SLC2A13: variants seen among roughly 807,000 people sequenced by gnomAD.
The protein encoded by SLC2A13 is solute carrier family 2 member 13, also known as proton myo-inositol cotransporter.
Under a neutral mutation model 64.4 loss-of-function variants are expected in SLC2A13, and 32 were observed. The observed-to-expected ratio is 0.50, with a 90% CI of 0.37 to 0.67. SLC2A13 has a LOEUF of 0.67. SLC2A13 is among the 30% of genes least tolerant of loss of function. The pLI is 0.00. For synonymous variants in SLC2A13, 338 were observed against 327.1 expected (o/e 1.03, Z -0.36); for missense variants, 743 against 829.2 (o/e 0.90, Z 1.28).
At chr12:39,839,058 T>C (rs1943107242) in intron 6 of SLC2A13, among the ~76,000 whole-genome samples, 2 of 152,100 alleles carry the variant, frequency 1.3e-5, no homozygotes, top group Non-Finnish European at 1.5e-5. Flanking sequence ...AATTGACACC[T>C]ATTTTGTGCA....
At chr12:40,002,467 G>T (rs1002563613) in intron 3 of SLC2A13, among the ~76,000 whole-genome samples, 9 of 152,106 alleles carry the variant, frequency 5.9e-5, no homozygotes, top group African/African-American at 1.9e-4. Flanking sequence ...ACTGAAAGAT[G>T]GGCTCAGAAA....
At chr12:39,829,459 T>C (rs1262886779) in intron 7 of SLC2A13, 1 of 123,942 alleles carries the variant, frequency 8.1e-6, no homozygotes, top group African/African-American at 3.1e-5. Flanking sequence ...TAGGCTGGAG[T>C]GCAGTGGTTT....
At chr12:39,905,228 TG>T (rs1945237677) in intron 4 of SLC2A13, among the ~76,000 whole-genome samples, 1 of 152,150 alleles carries the variant, frequency 6.6e-6, no homozygotes, top group South Asian at 2.1e-4. Context: ...ATGAGCATTT[TG>T]GTGGCTAGAA....
At position 39,757,502 on chromosome 12, in the gene SLC2A13, A is replaced by T. The variant is rs1940000616; in HGVS notation, c.*2524T>A. 1 of 151,676 alleles carries T rather than the reference A, an allele frequency of 6.6e-6. No individual in the cohort carries two copies. The highest frequency in any genetic ancestry group is 1.5e-5 in the Non-Finnish European group (1 of 67,696). The allele number at this position is 151,676 out of a possible 1,614,324, so 9.4% of individuals were successfully genotyped here. ...CTATAAATGTTCACCAAATCTAAAAATAATACCCTAATTGTATAAGGTTCC... is the reference window on the plus strand; with the variant it reads ...CTATAAATGTTCACCAAATCTAAAATTAATACCCTAATTGTATAAGGTTCC... On this transcript the variant is annotated 3_prime_UTR_variant, in exon 10 of 10. Transcript: ENST00000280871.
chr12:39,760,259 CG>C lies in SLC2A13; in HGVS notation c.1721-8del, dbSNP rs1390606566. 20 of 1,603,850 alleles carry C rather than the reference CG, an allele frequency of 1.2e-5. 1 individual carries two copies. In the East Asian group the frequency reaches 4.1e-4, roughly 32 times the overall value. ...GCATAGAGGAAGAAAGCTCCTGCAA[CG>C]GAATATAATAGATACATGAATATGA... On this transcript the variant is annotated splice_region_variant and splice_polypyrimidine_tract_variant and intron_variant, in intron 9 of 9. Coordinates refer to ENST00000280871, the MANE Select transcript of SLC2A13 (RefSeq NM_052885.4).
At chr12:39,885,920 G>C (rs780615642) in intron 4 of SLC2A13, among the ~76,000 whole-genome samples, 3 of 152,078 alleles carry the variant, frequency 2.0e-5, no homozygotes, top group African/African-American at 4.8e-5. Flanking sequence ...AAAAAGTCAG[G>C]TTTTGTGACC....
chr12:39,805,427 G>C (rs1941947806), intron 7 of SLC2A13, among the ~76,000 whole-genome samples: 1 of 152,038 alleles, frequency 6.6e-6, no homozygotes, highest in African/African-American at 2.4e-5. Flanking sequence ...GGGAATCTGG[G>C]TACATCGTGA....
chr12:39,920,239 G>A (rs1945592175), intron 4 of SLC2A13, among the ~76,000 whole-genome samples: 1 of 152,046 alleles, frequency 6.6e-6, no homozygotes, highest in African/African-American at 2.4e-5. Context: ...TACAGAATCA[G>A]CCATACCCTA....
At chr12:39,852,289 C>T (rs528046553) in intron 6 of SLC2A13, among the ~76,000 whole-genome samples, 13 of 152,254 alleles carry the variant, frequency 8.5e-5, no homozygotes, top group African/African-American at 3.1e-4. Context: ...GTCAGATTTC[C>T]CTTTATGGGC....
intron 4 of SLC2A13, among the ~76,000 whole-genome samples, chr12:39,916,414 A>G (rs1945522154): frequency 1.3e-5 from 2 of 152,066 alleles, no homozygotes; most frequent in South Asian, 4.1e-4. Context: ...TGAAGAGTCA[A>G]AACTAATTTC....
chr12:39,760,612 G>T (rs1940100062), intron 9 of SLC2A13, among the ~76,000 whole-genome samples: 1 of 151,878 alleles, frequency 6.6e-6, no homozygotes, highest in South Asian at 2.1e-4. Flanking sequence ...TTATAATTAT[G>T]TACACACACG....
chr12:39,809,096 A>G (rs1942064956), intron 7 of SLC2A13, among the ~76,000 whole-genome samples: 1 of 152,114 alleles, frequency 6.6e-6, no homozygotes, highest in East Asian at 1.9e-4. Flanking sequence ...AGGGTGTAAG[A>G]GTTGAGGTCC....
chr12:39,887,835 G>T (rs1944507668), intron 4 of SLC2A13, among the ~76,000 whole-genome samples: 1 of 152,202 alleles, frequency 6.6e-6, no homozygotes, highest in African/African-American at 2.4e-5. Flanking sequence ...CATTGAATGA[G>T]GTCTGTCTCA....
chr12:39,939,139 TC>T (rs1228564676), intron 4 of SLC2A13, among the ~76,000 whole-genome samples: 1 of 152,098 alleles, frequency 6.6e-6, no homozygotes, highest in African/African-American at 2.4e-5. Context: ...TTACCAATGC[TC>T]TCTTTACTGC....
At chr12:39,845,728 T>G (rs1943291573) in intron 6 of SLC2A13, among the ~76,000 whole-genome samples, 1 of 152,168 alleles carries the variant, frequency 6.6e-6, no homozygotes, top group South Asian at 2.1e-4. Flanking sequence ...TGTAATCATT[T>G]GCTCTCACAA....
chr12:39,884,012 A>T (rs982755592), intron 4 of SLC2A13, among the ~76,000 whole-genome samples: 1 of 152,214 alleles, frequency 6.6e-6, no homozygotes, highest in African/African-American at 2.4e-5. Flanking sequence ...CCAATTTCCT[A>T]TAATAAGCAT....
At chr12:40,071,580 TAC>T (rs1937959523) in intron 1 of SLC2A13, among the ~76,000 whole-genome samples, 1 of 152,164 alleles carries the variant, frequency 6.6e-6, no homozygotes, top group Non-Finnish European at 1.5e-5. Flanking sequence ...AAACAATTGG[TAC>T]AGTTTCTCTC....
chr12:39,878,703 T>C (rs1214071687), intron 4 of SLC2A13, among the ~76,000 whole-genome samples: 1 of 152,312 alleles, frequency 6.6e-6, no homozygotes, highest in East Asian at 1.9e-4. Context: ...AGCATAAAAA[T>C]TTGGAAAATT....
intron 3 of SLC2A13, among the ~76,000 whole-genome samples, chr12:39,977,980 C>T (rs886675081): frequency 6.6e-6 from 1 of 152,160 alleles, no homozygotes; most frequent in East Asian, 1.9e-4. Flanking sequence ...CTGTGTATTT[C>T]ACGTGTGTGT....
Sources: gnomAD v4.1 joint callset for allele counts (sites outside exome capture counted in the v4.1 genomes callset) on GRCh38, gnomAD v4.1.1 for gene constraint, MANE v1.5 for transcripts, NCBI Gene and HGNC (gene_info 2026-07-23, HGNC 2026-07-21) for gene names.